The following PLAGL1 variants were observed in gnomAD, a reference collection of about 807,000 sequenced individuals.
The protein encoded by PLAGL1 is PLAG1 like zinc finger 1, also known as zinc finger protein PLAGL1.
A neutral mutation model predicts 4.6 loss-of-function variants in PLAGL1; 1 was observed. That is an observed-to-expected ratio of 0.22 (90% CI 0.08 to 1.03). PLAGL1 has a LOEUF of 1.03. Ranked by LOEUF, PLAGL1 falls within the 50% of genes least tolerant of loss-of-function variation. The pLI is 0.58. For missense variants in PLAGL1, 464 were observed against 570.4 expected (o/e 0.81, Z 1.90); for synonymous variants, 240 against 237.8 (o/e 1.01, Z -0.08).
In PLAGL1 at chr6:144,039,833, A is replaced by T. The variant is rs1797581544; in HGVS notation, c.-151+24635T>A. 6.6e-6 allele frequency among the ~76,000 whole-genome samples: 1 copy of T among 152,206 alleles called. No homozygotes were observed. Among genetic ancestry groups the T allele is most frequent in the African/African-American group, 2.4e-5 (1 of 41,460 alleles). Reference sequence around the variant, plus strand: ...TATATCTGCAAGAATGTTCACAGCAAATCTCTTTGTAGTAGCAAAAGGCCA... The same window carrying T: ...TATATCTGCAAGAATGTTCACAGCATATCTCTTTGTAGTAGCAAAAGGCCA... On this transcript the variant is annotated intron_variant, in intron 1 of 3. Transcript: ENST00000437412. The surrounding 1 kb of genome is among the most constrained non-coding windows in gnomAD (Gnocchi z 4.1).
At position 143,950,405 on chromosome 6, in the gene PLAGL1, T is replaced by C. The variant is rs1005498529; in HGVS notation, c.-324-1945A>G. Among the ~76,000 whole-genome samples, 10 of 152,182 alleles carry C rather than the reference T, an allele frequency of 6.6e-5. No homozygotes were observed. Among genetic ancestry groups the C allele is most frequent in the African/African-American group, 2.4e-4 (10 of 41,452 alleles). On this transcript the variant is annotated intron_variant, in intron 6 of 7. Transcript: ENST00000674357. This position sits in a 1 kb window ranked among gnomAD's most constrained non-coding sequence, Gnocchi z 6.3. ...TGGTCACAAACAAAATAACTCCTTCTAGGAATTCTATTCCGCCTGCCGAGT... is the reference window on the plus strand; with the variant it reads ...TGGTCACAAACAAAATAACTCCTTCCAGGAATTCTATTCCGCCTGCCGAGT...
At chr6:144,060,661 C>G (rs1467778590) in intron 1 of PLAGL1, among the ~76,000 whole-genome samples, 1 of 152,176 alleles carries the variant, frequency 6.6e-6, no homozygotes, top group Admixed American at 6.5e-5. Context: ...ATTCTTTACA[C>G]TTTCCTGTGT....
rs562802542 is a variant in PLAGL1, at chr6:143,985,777, C to A, written c.-583-603G>T. 6.6e-6 allele frequency among the ~76,000 whole-genome samples: 1 copy of A among 151,110 alleles called. No individual in the cohort carries two copies. The highest frequency in any genetic ancestry group is 2.4e-5 in the African/African-American group (1 of 41,136). ...AGATCACTCATTTCAAAAATCAAAA[C>A]GCAAAAAGTAAGGGAGTCAGAAATG... On this transcript the variant is annotated intron_variant, in intron 1 of 7. Coordinates refer to ENST00000674357, the MANE Select transcript of PLAGL1 (RefSeq NM_001317162.2). This position sits in a 1 kb window ranked among gnomAD's most constrained non-coding sequence, Gnocchi z 4.4.
chr6:144,039,431 C>CA lies in PLAGL1; in HGVS notation c.-151+25036dup, dbSNP rs1797543712. 6.6e-6 allele frequency among the ~76,000 whole-genome samples: 1 copy of CA among 152,030 alleles called. No homozygotes were observed. The highest frequency in any genetic ancestry group is 6.6e-5 in the Admixed American group (1 of 15,252). ...AAAACCCCATCTCTACAAAAAAATA[C>CA]AAAAATTAGCTGGGCATGTTGGCAC... On this transcript the variant is annotated intron_variant, in intron 1 of 3. Transcript: ENST00000437412. This position sits in a 1 kb window ranked among gnomAD's most constrained non-coding sequence, Gnocchi z 4.1.
chr6:143,959,775 C>T lies in PLAGL1; in HGVS notation c.-325+694G>A, dbSNP rs763994038. 2.0e-5 allele frequency among the ~76,000 whole-genome samples: 3 copies of T among 152,262 alleles called. No individual in the cohort carries two copies. Among genetic ancestry groups the T allele is most frequent in the South Asian group, 2.1e-4 (1 of 4,820 alleles). On this transcript the variant is annotated intron_variant, in intron 6 of 7. Transcript: ENST00000674357. This position sits in a 1 kb window ranked among gnomAD's most constrained non-coding sequence, Gnocchi z 5.3. ...AAGTAATACACTGTCCTAAGCAAAA[C>T]GCCTAGCACAGAGTGAGTGCCCCAA...
Position 144,061,405 on chromosome 6 carries a change from G to A in PLAGL1, c.-151+3063C>T, listed in dbSNP as rs2128732409. ...CAAACAAAGTGAGGTAAGAACAAGA[G>A]AGCAGCCACTCCTGAATGTGGCCTT... On this transcript the variant is annotated intron_variant, in intron 1 of 3. Transcript: ENST00000437412. The surrounding 1 kb of genome is among the most constrained non-coding windows in gnomAD (Gnocchi z 4.4). 6.6e-6 allele frequency among the ~76,000 whole-genome samples: 1 copy of A among 152,318 alleles called. No individual in the cohort carries two copies. The highest frequency in any genetic ancestry group is 1.9e-4 in the East Asian group (1 of 5,192).
In PLAGL1 at chr6:143,957,449, T is replaced by C. The variant is rs1782398520; in HGVS notation, c.-325+3020A>G. Among the ~76,000 whole-genome samples the C allele has an allele frequency of 6.6e-6, 1 of 152,230 alleles. No homozygotes were observed. Among genetic ancestry groups the C allele is most frequent in the Non-Finnish European group, 1.5e-5 (1 of 68,036 alleles). ...CCCCCTCCTCACTCCCTAGAAACCC[T>C]TGAGTCTCGCCTTTAGGCCCTTTTA... On this transcript the variant is annotated intron_variant, in intron 6 of 7. Transcript: ENST00000674357. This position sits in a 1 kb window ranked among gnomAD's most constrained non-coding sequence, Gnocchi z 4.2.
chr6:143,946,244 G>T (rs1779759075), intron 7 of PLAGL1, among the ~76,000 whole-genome samples: 1 of 152,168 alleles, frequency 6.6e-6, no homozygotes, highest in South Asian at 2.1e-4. Flanking sequence ...AACTCATGTT[G>T]TTCAAGGGTC....
intron 1 of PLAGL1, chr6:144,007,311 G>A (rs1794446625): frequency 6.6e-6 from 1 of 152,168 alleles, no homozygotes; most frequent in South Asian, 2.1e-4. Flanking sequence ...AGGACTTAGG[G>A]GACCAGGACC....
intron 1 of PLAGL1, among the ~76,000 whole-genome samples, chr6:144,028,001 C>T (rs961702511): frequency 3.3e-5 from 5 of 152,170 alleles, no homozygotes; most frequent in Non-Finnish European, 5.9e-5. Flanking sequence ...TCCAAAAATG[C>T]ACAGGATTGT....
At chr6:144,043,232 A>G (rs981207410) in intron 1 of PLAGL1, among the ~76,000 whole-genome samples, 2 of 152,180 alleles carry the variant, frequency 1.3e-5, no homozygotes, top group African/African-American at 4.8e-5. Context: ...GTGGTGAGAG[A>G]GGGCATCCCT....
intron 1 of PLAGL1, among the ~76,000 whole-genome samples, chr6:144,043,687 C>G (rs1797911416): frequency 6.6e-6 from 1 of 152,010 alleles, no homozygotes; most frequent in South Asian, 2.1e-4. Context: ...TGATGCTGGC[C>G]TCATAAAATG....
chr6:144,052,009 T>C (rs775927036), intron 1 of PLAGL1, among the ~76,000 whole-genome samples: 2 of 152,238 alleles, frequency 1.3e-5, no homozygotes, highest in African/African-American at 2.4e-5. Flanking sequence ...CCACTCATGA[T>C]GCACTGTGAG....
intron 1 of PLAGL1, among the ~76,000 whole-genome samples, chr6:144,019,406 A>G (rs1795810311): frequency 6.6e-6 from 1 of 152,064 alleles, no homozygotes; most frequent in Admixed American, 6.6e-5. Context: ...TGGGAGGCGG[A>G]GGTTGCAATG....
Position 144,039,243 on chromosome 6 carries a change from A to G in PLAGL1, c.-151+25225T>C, listed in dbSNP as rs1797526834. 6.6e-6 allele frequency among the ~76,000 whole-genome samples: 1 copy of G among 152,210 alleles called. No homozygotes were observed. The highest frequency in any genetic ancestry group is 2.4e-5 in the African/African-American group (1 of 41,454). On this transcript the variant is annotated intron_variant, in intron 1 of 3. Coordinates refer to the PLAGL1 transcript ENST00000437412. The surrounding 1 kb of genome is among the most constrained non-coding windows in gnomAD (Gnocchi z 4.1). ...ATAAACAGAAATGGCTCAGAAACCA[A>G]TGAAAAGATGGTTGACTTCATTAGT... is the stretch of plus-strand genomic sequence containing the variant.
At chr6:144,001,291 A>G (rs982472439) in intron 1 of PLAGL1, among the ~76,000 whole-genome samples, 3 of 152,212 alleles carry the variant, frequency 2.0e-5, no homozygotes, top group African/African-American at 7.2e-5. Flanking sequence ...ATGGTATTAG[A>G]TAATAGCTCA....
At position 144,048,009 on chromosome 6, in the gene PLAGL1, T is replaced by C. The variant is rs1412492633; in HGVS notation, c.-151+16459A>G. Among the ~76,000 whole-genome samples the C allele has an allele frequency of 6.6e-6, 1 of 152,088 alleles. No individual in the cohort carries two copies. Among genetic ancestry groups the C allele is most frequent in the Non-Finnish European group, 1.5e-5 (1 of 68,004 alleles). On this transcript the variant is annotated intron_variant, in intron 1 of 3. Transcript: ENST00000437412. This position sits in a 1 kb window ranked among gnomAD's most constrained non-coding sequence, Gnocchi z 4.8. ...ATTAGATAAATGCTCCCATTCCAAA[T>C]GGGAGAAATTGGTCAAAACAAAAGG...
rs919158204 is a variant in PLAGL1, at chr6:144,048,719, A to G, written c.-151+15749T>C. 6.6e-6 allele frequency among the ~76,000 whole-genome samples: 1 copy of G among 152,202 alleles called. No individual in the cohort carries two copies. The highest frequency in any genetic ancestry group is 2.4e-5 in the African/African-American group (1 of 41,460). On this transcript the variant is annotated intron_variant, in intron 1 of 3. Transcript: ENST00000437412. The surrounding 1 kb of genome is among the most constrained non-coding windows in gnomAD (Gnocchi z 4.8). ...TTCCCACTAGGCCTCCAGGTCTGTT[A>G]TGGGAGGGGCTGCCAAGAAGGTCTC...
chr6:144,011,967 T>A (rs1026064292), upstream of PLAGL1, among the ~76,000 whole-genome samples: 4 of 152,132 alleles, frequency 2.6e-5, no homozygotes, highest in Admixed American at 2.0e-4. The surrounding 1 kb of genome is among the most constrained non-coding windows in gnomAD (Gnocchi z 4.3). Flanking sequence ...CCTTTCCACA[T>A]TGGGGGACGT....
Sources: gnomAD v4.1 joint callset for allele counts (sites outside exome capture counted in the v4.1 genomes callset) on GRCh38, gnomAD v4.1.1 for gene constraint, Gnocchi (gnomAD v3.1) non-coding constraint, MANE v1.5 for transcripts, NCBI Gene and HGNC (gene_info 2026-07-23, HGNC 2026-07-21) for gene names.